The following LSAMP variants were observed in gnomAD, a reference collection of about 807,000 sequenced individuals.
LSAMP encodes the protein limbic system-associated membrane protein.
Under a neutral mutation model 38.6 loss-of-function variants are expected in LSAMP, and 7 were observed. The ratio of observed to expected loss-of-function variants is 0.18; its 90% confidence interval spans 0.10 to 0.34. The LOEUF (loss-of-function observed/expected upper bound fraction) is 0.34. LSAMP is among the 10% of genes least tolerant of loss of function. The probability of loss-of-function intolerance (pLI) is 1.00; values close to 1 mark genes in which losing one functional copy is unlikely to be tolerated. For missense variants in LSAMP, 313 were observed against 420.0 expected, an observed-to-expected ratio of 0.75 and a Z score of 2.23; for synonymous variants, 154 against 166.8, an observed-to-expected ratio of 0.92 and a Z score of 0.59.
chr3:116,119,997 C>A (rs1171653218), intron 1 of LSAMP, among the ~76,000 whole-genome samples: 1 of 151,960 alleles, frequency 6.6e-6, no homozygotes, highest in East Asian at 1.9e-4. Context: ...AAGAGGAGGC[C>A]ATGTCATGTT....
At chr3:115,908,954 G>C (rs1937075516) in intron 3 of LSAMP, among the ~76,000 whole-genome samples, 1 of 152,138 alleles carries the variant, frequency 6.6e-6, no homozygotes, top group African/African-American at 2.4e-5. Context: ...CATCCTTGCT[G>C]TTTGTCTTGT....
intron 6 of LSAMP, among the ~76,000 whole-genome samples, chr3:115,826,139 G>C (rs1934401153): frequency 7.6e-6 from 1 of 131,852 alleles, no homozygotes; most frequent in Admixed American, 7.0e-5. Flanking sequence ...ATTTGAGACA[G>C]AGTCTCGATC....
intron 2 of LSAMP, among the ~76,000 whole-genome samples, chr3:116,079,202 C>T (rs536676120): frequency 6.6e-6 from 1 of 152,104 alleles, no homozygotes; most frequent in Non-Finnish European, 1.5e-5. Flanking sequence ...AGCCAAGGTC[C>T]CAACTTTCCC....
chr3:115,843,886 C>T (rs1935076226), intron 4 of LSAMP, among the ~76,000 whole-genome samples: 1 of 152,152 alleles, frequency 6.6e-6, no homozygotes, highest in African/African-American at 2.4e-5. Context: ...TGTATGTAAA[C>T]AGGCGTGCTA....
rs1559827383 is a variant in LSAMP, at chr3:115,805,029, A to G, written c.*5288T>C. 6.6e-6 allele frequency: 1 copy of G among 152,220 alleles called. No homozygotes were observed. Among genetic ancestry groups the G allele is most frequent in the Non-Finnish European group, 1.5e-5 (1 of 68,038 alleles). 9.4% of individuals were successfully genotyped at this position (152,220 alleles called of 1,614,324 possible). On this transcript the variant is annotated 3_prime_UTR_variant, in exon 7 of 7. Transcript: ENST00000490035. ...TTGAATGGAAAATAAAAACTGAGTA[A>G]TATTTTGCTCATCAAGGTTTAGGTC...
intron 6 of LSAMP, among the ~76,000 whole-genome samples, chr3:115,839,098 T>C (rs906027486): frequency 6.6e-6 from 1 of 152,212 alleles, no homozygotes; most frequent in Admixed American, 6.5e-5. Context: ...CTCTGTTCTG[T>C]GGAAAATTAC....
At chr3:115,939,130 T>C (rs1937808538) in intron 3 of LSAMP, among the ~76,000 whole-genome samples, 1 of 152,172 alleles carries the variant, frequency 6.6e-6, no homozygotes, top group Non-Finnish European at 1.5e-5. Flanking sequence ...ATTAGTTTAT[T>C]GTATATGAGT....
At chr3:115,851,585 TA>T (rs1182807364) in intron 4 of LSAMP, among the ~76,000 whole-genome samples, 6 of 152,184 alleles carry the variant, frequency 3.9e-5, no homozygotes, top group Non-Finnish European at 8.8e-5. Flanking sequence ...GCCTAAAGGA[TA>T]CTTTCAAATA....
intron 2 of LSAMP, among the ~76,000 whole-genome samples, chr3:116,055,419 G>A (rs1444474405): frequency 6.6e-6 from 1 of 152,208 alleles, no homozygotes; most frequent in African/African-American, 2.4e-5. Context: ...AACCTTATTT[G>A]GTAGTTTAAT....
chr3:115,928,227 T>C (rs1290540807), intron 3 of LSAMP, among the ~76,000 whole-genome samples: 1 of 152,228 alleles, frequency 6.6e-6, no homozygotes, highest in East Asian at 1.9e-4. Context: ...CTTTTTACTT[T>C]AGCTTCCCCT....
At chr3:116,002,102 A>G (rs542983068) in intron 3 of LSAMP, among the ~76,000 whole-genome samples, 1 of 152,306 alleles carries the variant, frequency 6.6e-6, no homozygotes, top group African/African-American at 2.4e-5. Context: ...AAATTATAGA[A>G]TTCCATAAGG....
At chr3:116,192,418 C>T (rs79443484) in intron 1 of LSAMP, among the ~76,000 whole-genome samples, 8,758 of 152,274 alleles carry the variant, frequency 0.058, 282 homozygotes, top group African/African-American at 0.094. Flanking sequence ...GCCATCCTCA[C>T]CAATATTGGC....
chr3:116,020,352 T>C (rs1940604033), intron 2 of LSAMP, among the ~76,000 whole-genome samples: 1 of 152,208 alleles, frequency 6.6e-6, no homozygotes, highest in Non-Finnish European at 1.5e-5. Context: ...ACATTTATTA[T>C]ACCTAAAACC....
chr3:116,060,903 A>T (rs1328386614), intron 2 of LSAMP, among the ~76,000 whole-genome samples: 3 of 151,890 alleles, frequency 2.0e-5, no homozygotes, highest in Non-Finnish European at 4.4e-5. Flanking sequence ...TACCACAATG[A>T]GAAATAAATA....
In LSAMP at chr3:116,109,104, G is replaced by A. The variant is rs1708537431; in HGVS notation, c.156-22548C>T. Among the ~76,000 whole-genome samples, 2 of 152,196 alleles carry A rather than the reference G, an allele frequency of 1.3e-5. 1 individual carries two copies. The highest frequency in any genetic ancestry group is 1.3e-4 in the Admixed American group (2 of 15,288). On this transcript the variant is annotated intron_variant, in intron 1 of 6. Transcript: ENST00000490035. ...TCAGGGTTGCTGCCAAACGAGTCAT[G>A]AACTGGGCTGGGTTTTTATATTTGA...
intron 1 of LSAMP, among the ~76,000 whole-genome samples, chr3:116,427,470 G>A (rs1442549661): frequency 6.6e-6 from 1 of 152,108 alleles, no homozygotes; most frequent in Non-Finnish European, 1.5e-5. Flanking sequence ...ATCAGCTCAC[G>A]GCATTTTTTG....
rs2048184592 is a variant in LSAMP, at chr3:116,353,962, A to T, written c.155+90915T>A. 5.9e-5 allele frequency among the ~76,000 whole-genome samples: 9 copies of T among 152,204 alleles called. 1 individual carries two copies. The South Asian group carries it at 1.9e-3, about 32-fold the overall frequency. On this transcript the variant is annotated intron_variant, in intron 1 of 6. Coordinates refer to ENST00000490035, the MANE Select transcript of LSAMP (RefSeq NM_002338.5). Reference sequence around the variant, plus strand: ...TTTCCATTCAATGGTTTTGTAAAAAATTTTATTCTGAACTTGACAGCTATG... The same window carrying T: ...TTTCCATTCAATGGTTTTGTAAAAATTTTTATTCTGAACTTGACAGCTATG...
intron 4 of LSAMP, among the ~76,000 whole-genome samples, chr3:115,846,052 G>T (rs1317142550): frequency 6.6e-6 from 1 of 152,164 alleles, no homozygotes; most frequent in Admixed American, 6.5e-5. Context: ...TTATTGAAAT[G>T]AACATTTCAA....
At chr3:116,305,908 C>T (rs1446549191) in intron 1 of LSAMP, among the ~76,000 whole-genome samples, 1 of 148,494 alleles carries the variant, frequency 6.7e-6, no homozygotes, top group Non-Finnish European at 1.5e-5. Flanking sequence ...TTATCTCTGC[C>T]TCTTGTAATG....
Sources: gnomAD v4.1 joint callset for allele counts (sites outside exome capture counted in the v4.1 genomes callset) on GRCh38, gnomAD v4.1.1 for gene constraint, MANE v1.5 for transcripts, NCBI Gene and HGNC (gene_info 2026-07-23, HGNC 2026-07-21) for gene names.